The following TMEM132D variants were observed in gnomAD, a reference collection of about 807,000 sequenced individuals.
The protein encoded by TMEM132D is transmembrane protein 132D, also known as mature OL transmembrane protein.
A neutral mutation model predicts 62.3 loss-of-function variants in TMEM132D; 21 were observed. That is an observed-to-expected ratio of 0.34 (90% CI 0.24 to 0.49). The LOEUF is 0.49. Ranked by LOEUF, TMEM132D falls within the 20% of genes least tolerant of loss-of-function variation. The probability of loss-of-function intolerance (pLI) is 0.99; values close to 1 mark genes in which losing one functional copy is unlikely to be tolerated. For missense variants in TMEM132D, 1,346 were observed against 1,402.8 expected, an observed-to-expected ratio of 0.96 and a Z score of 0.65; for synonymous variants, 621 against 575.6, an observed-to-expected ratio of 1.08 and a Z score of -1.13.
chr12:129,665,042 A>G (rs1320445604), intron 2 of TMEM132D, among the ~76,000 whole-genome samples: 1 of 152,196 alleles, frequency 6.6e-6, no homozygotes, highest in East Asian at 1.9e-4. Context: ...CTACTACCAC[A>G]TTATTAACTA....
At chr12:129,251,253 G>C (rs1880255256) in intron 4 of TMEM132D, among the ~76,000 whole-genome samples, 1 of 151,208 alleles carries the variant, frequency 6.6e-6, no homozygotes, top group South Asian at 2.1e-4. Context: ...CAGCTACTCG[G>C]GAGGCTGAGG....
At chr12:129,411,400 C>A (rs1334671764) in intron 3 of TMEM132D, among the ~76,000 whole-genome samples, 1 of 152,064 alleles carries the variant, frequency 6.6e-6, no homozygotes, top group Admixed American at 6.6e-5. Context: ...ACAGGATCTC[C>A]CTCTGTTGCC....
chr12:129,086,201 C>CGCGTGTGTGTGT (rs1349816832), intron 5 of TMEM132D, among the ~76,000 whole-genome samples: 57 of 141,130 alleles, frequency 4.0e-4, no homozygotes, highest in African/African-American at 1.5e-3. Flanking sequence ...CACGCGCGCG[C>CGCGTGTGTGTGT]GTGTGTGTGT....
At chr12:129,851,403 A>C (rs1873535727) in intron 1 of TMEM132D, among the ~76,000 whole-genome samples, 1 of 152,138 alleles carries the variant, frequency 6.6e-6, no homozygotes, top group South Asian at 2.1e-4. Flanking sequence ...AAATTGAAAA[A>C]TTGTTCATTT....
intron 2 of TMEM132D, among the ~76,000 whole-genome samples, chr12:129,584,377 A>G (rs1257061974): frequency 6.6e-6 from 1 of 152,220 alleles, no homozygotes; most frequent in African/African-American, 2.4e-5. Context: ...GCTTAAAAGA[A>G]TAGCCTCCTT....
intron 3 of TMEM132D, among the ~76,000 whole-genome samples, chr12:129,528,026 A>T (rs192965279): frequency 6.6e-6 from 1 of 152,352 alleles, no homozygotes; most frequent in African/African-American, 2.4e-5. Context: ...ATGGCAAATT[A>T]TTAGCAATAC....
chr12:129,511,688 G>A (rs1220927267), intron 3 of TMEM132D, among the ~76,000 whole-genome samples: 3 of 152,088 alleles, frequency 2.0e-5, no homozygotes, highest in African/African-American at 7.2e-5. Flanking sequence ...TGGGTCATTT[G>A]TCTTCTATTC....
At chr12:129,655,940 T>C (rs150426441) in intron 2 of TMEM132D, among the ~76,000 whole-genome samples, 1 of 152,110 alleles carries the variant, frequency 6.6e-6, no homozygotes, top group South Asian at 2.1e-4. Flanking sequence ...CAACCTGAAG[T>C]GACCAAACTT....
intron 2 of TMEM132D, among the ~76,000 whole-genome samples, chr12:129,663,971 C>T (rs647183): frequency 0.48 from 73,018 of 152,046 alleles, 17,808 homozygotes; most frequent in Middle Eastern, 0.61. Flanking sequence ...TGTTTGGGGG[C>T]TCTTTAAAAA....
At chr12:129,457,148 T>C (rs1873497387) in intron 3 of TMEM132D, among the ~76,000 whole-genome samples, 1 of 151,948 alleles carries the variant, frequency 6.6e-6, no homozygotes. Context: ...CACGTATGTT[T>C]ATTGCGGCAC....
At chr12:129,429,945 G>C (rs980327919) in intron 3 of TMEM132D, among the ~76,000 whole-genome samples, 23 of 151,914 alleles carry the variant, frequency 1.5e-4, no homozygotes, top group African/African-American at 3.1e-4. Flanking sequence ...GTATTCCATG[G>C]TGTATATGTG....
intron 4 of TMEM132D, among the ~76,000 whole-genome samples, chr12:129,269,743 C>T (rs1880801401): frequency 6.6e-6 from 1 of 152,146 alleles, no homozygotes; most frequent in Non-Finnish European, 1.5e-5. Flanking sequence ...CGCTCCAGCT[C>T]ACTTGCATCC....
chr12:129,624,876 C>G (rs1879169624), intron 2 of TMEM132D, among the ~76,000 whole-genome samples: 1 of 152,356 alleles, frequency 6.6e-6, no homozygotes, highest in African/African-American at 2.4e-5. Context: ...GCCTCTCAGG[C>G]ACAGGGCAGA....
chr12:129,792,244 T>G (rs1045581796), intron 1 of TMEM132D, among the ~76,000 whole-genome samples: 4 of 152,210 alleles, frequency 2.6e-5, no homozygotes, highest in Non-Finnish European at 4.4e-5. Flanking sequence ...CAGTAGGGGA[T>G]AGTGGTTAAA....
chr12:129,576,165 C>T (rs116197776), intron 2 of TMEM132D, among the ~76,000 whole-genome samples: 1 of 151,924 alleles, frequency 6.6e-6, no homozygotes, highest in Admixed American at 6.5e-5. Context: ...GCTCCGCTTT[C>T]TCTTTGCATA....
intron 2 of TMEM132D, among the ~76,000 whole-genome samples, chr12:129,631,695 A>G (rs1460558526): frequency 6.6e-6 from 1 of 152,208 alleles, no homozygotes; most frequent in Non-Finnish European, 1.5e-5. Flanking sequence ...AGACAAAGTG[A>G]GTGCCAGTGA....
intron 2 of TMEM132D, among the ~76,000 whole-genome samples, chr12:129,594,913 C>T (rs769766490): frequency 3.3e-5 from 5 of 152,152 alleles, no homozygotes; most frequent in Non-Finnish European, 7.3e-5. Flanking sequence ...GGAATGAACA[C>T]AATGCAAATA....
At chr12:129,679,822 T>C (rs1164901331) in intron 2 of TMEM132D, among the ~76,000 whole-genome samples, 1 of 152,168 alleles carries the variant, frequency 6.6e-6, no homozygotes, top group Non-Finnish European at 1.5e-5. Flanking sequence ...TTTGTTTTTC[T>C]TTCAAAATCA....
intron 1 of TMEM132D, among the ~76,000 whole-genome samples, chr12:129,758,816 T>C (rs546527679): frequency 4.4e-4 from 67 of 152,350 alleles, no homozygotes; most frequent in African/African-American, 1.5e-3. Flanking sequence ...AGAGAAATAC[T>C]GTATAATGTC....
Sources: allele counts gnomAD v4.1 joint callset (sites outside exome capture counted in the v4.1 genomes callset), GRCh38; gene constraint gnomAD v4.1.1; transcripts MANE v1.5; gene names NCBI Gene and HGNC (gene_info 2026-07-23, HGNC 2026-07-21).